Variants in AGBL4 observed in about 807,000 individuals in gnomAD.
The protein encoded by AGBL4 is cytosolic carboxypeptidase 6.
Under a neutral mutation model 66.4 loss-of-function variants are expected in AGBL4, and 58 were observed. The observed-to-expected ratio is 0.87, with a 90% CI of 0.71 to 1.09. The LOEUF (loss-of-function observed/expected upper bound fraction) is 1.09, where lower values mean the gene tolerates loss of function less well. AGBL4 is among the 50% of genes least tolerant of loss of function. The pLI is 0.00. For synonymous variants in AGBL4, 234 were observed against 222.9 expected (o/e 1.05, Z -0.44); for missense variants, 579 against 631.0 (o/e 0.92, Z 0.88).
intron 1 of AGBL4, among the ~76,000 whole-genome samples, chr1:49,905,942 C>T (rs1203576407): frequency 6.6e-6 from 1 of 151,982 alleles, no homozygotes; most frequent in Non-Finnish European, 1.5e-5. Flanking sequence ...TACTCTCTCC[C>T]TTAGTATGAG....
intron 4 of AGBL4, among the ~76,000 whole-genome samples, chr1:49,172,233 C>T (rs927423805): frequency 6.6e-6 from 1 of 152,064 alleles, no homozygotes; most frequent in African/African-American, 2.4e-5. Context: ...CACACTAAGC[C>T]CTGAGGATAT....
In AGBL4 at chr1:48,722,439, G is replaced by A. The variant is rs187426837; in HGVS notation, c.635-59198C>T. Among the ~76,000 whole-genome samples the A allele has an allele frequency of 2.0e-5, 3 of 152,284 alleles. No homozygotes were observed. The East Asian group carries it at 5.8e-4, about 29-fold the overall frequency. ...GAGTGGGGACTGCAGGTGTGGCACA[G>A]TGGCAGGTCAGTATGACTACCCAAC... On this transcript the variant is annotated intron_variant, in intron 6 of 13. Coordinates refer to ENST00000371839, the MANE Select transcript of AGBL4 (RefSeq NM_032785.4).
intron 3 of AGBL4, among the ~76,000 whole-genome samples, chr1:49,289,416 A>C (rs777776794): frequency 6.6e-6 from 1 of 152,160 alleles, no homozygotes. Flanking sequence ...AAGAAAACCT[A>C]TTATATGATT....
rs533439814 is a variant in AGBL4, at chr1:48,715,995, A to G, written c.635-52754T>C. On this transcript the variant is annotated intron_variant, in intron 6 of 13. Transcript: ENST00000371839. ...TGCAGTGGAGCAAGCCAACGGGATA[A>G]CAGGGCCAAGGCAACAGCCATGATT... Among the ~76,000 whole-genome samples the G allele has an allele frequency of 2.2e-4, 34 of 152,328 alleles. No individual in the cohort carries two copies. In the South Asian group the frequency reaches 7.1e-3, roughly 32 times the overall value.
intron 4 of AGBL4, among the ~76,000 whole-genome samples, chr1:49,083,741 T>C (rs1186957324): frequency 2.6e-5 from 4 of 152,242 alleles, no homozygotes; most frequent in African/African-American, 9.6e-5. Context: ...GGTTTTTCTT[T>C]TCTACAGCAT....
intron 1 of AGBL4, among the ~76,000 whole-genome samples, chr1:49,909,991 T>A (rs1044150370): frequency 2.0e-5 from 3 of 152,110 alleles, no homozygotes; most frequent in African/African-American, 7.2e-5. Context: ...AAGTTGAGAG[T>A]TTCATACACA....
intron 1 of AGBL4, among the ~76,000 whole-genome samples, chr1:49,970,078 C>T (rs2148360328): frequency 6.6e-6 from 1 of 152,274 alleles, no homozygotes; most frequent in South Asian, 2.1e-4. Flanking sequence ...CCTTATCTTA[C>T]ACCATACACA....
Position 49,370,145 on chromosome 1 carries a change from T to TTA in AGBL4, c.283-124283_283-124282dup, listed in dbSNP as rs71572680. Among the ~76,000 whole-genome samples, 3 of 145,750 alleles carry TTA rather than the reference T, an allele frequency of 2.1e-5. No individual in the cohort carries two copies. In the East Asian group the frequency reaches 5.9e-4, roughly 29 times the overall value. The stretch of plus-strand genomic sequence containing the variant: ...TATTTTATATTATAAATTATAATAA[T>TTA]TATATATATATTATATATAATATAT... On this transcript the variant is annotated intron_variant, in intron 3 of 13. Coordinates refer to ENST00000371839, the MANE Select transcript of AGBL4 (RefSeq NM_032785.4).
intron 3 of AGBL4, among the ~76,000 whole-genome samples, chr1:49,504,724 T>A (rs1235848961): frequency 6.6e-6 from 1 of 152,060 alleles, no homozygotes; most frequent in African/African-American, 2.4e-5. Flanking sequence ...TTTCAGTGTA[T>A]CTGTGTCCTT....
chr1:49,906,028 T>C (rs1336330378), intron 1 of AGBL4, among the ~76,000 whole-genome samples: 1 of 151,920 alleles, frequency 6.6e-6, no homozygotes, highest in East Asian at 1.9e-4. Flanking sequence ...GTATATAATG[T>C]ATTGAGCAGA....
intron 1 of AGBL4, among the ~76,000 whole-genome samples, chr1:49,987,545 A>G (rs1430431316): frequency 6.6e-6 from 1 of 152,050 alleles, no homozygotes; most frequent in African/African-American, 2.4e-5. Context: ...ATAGCAACGT[A>G]ACAACAAACA....
chr1:49,837,229 G>A (rs1012116999), intron 2 of AGBL4, among the ~76,000 whole-genome samples: 5 of 152,098 alleles, frequency 3.3e-5, no homozygotes, highest in African/African-American at 4.8e-5. Context: ...CTGGGACTTC[G>A]GCCTTTCTTT....
intron 1 of AGBL4, among the ~76,000 whole-genome samples, chr1:49,964,427 G>C (rs1444862334): frequency 3.3e-5 from 5 of 152,042 alleles, no homozygotes; most frequent in Non-Finnish European, 7.4e-5. Flanking sequence ...ACCTGATCAA[G>C]ATATTTAGCT....
intron 6 of AGBL4, among the ~76,000 whole-genome samples, chr1:48,831,996 C>T (rs1646563035): frequency 6.6e-6 from 1 of 152,088 alleles, no homozygotes; most frequent in Admixed American, 6.6e-5. Flanking sequence ...AATCATTATC[C>T]CAGTTGATCC....
chr1:48,523,955 G>A, the AGBL4 span, among the ~76,000 whole-genome samples: 14 of 152,066 alleles, frequency 9.2e-5, no homozygotes, highest in African/African-American at 3.1e-4. Flanking sequence ...TTGCATTTGT[G>A]TATCTAAAAA....
chr1:49,036,724 A>AT (rs35463441), intron 5 of AGBL4, among the ~76,000 whole-genome samples: 3,659 of 139,324 alleles, frequency 0.026, 132 homozygotes, highest in African/African-American at 0.084. Flanking sequence ...TGCTCAGCTA[A>AT]TTTTTTTTTT....
At chr1:48,963,290 C>G (rs1309294343) in intron 5 of AGBL4, among the ~76,000 whole-genome samples, 1 of 151,982 alleles carries the variant, frequency 6.6e-6, no homozygotes, top group African/African-American at 2.4e-5. Flanking sequence ...CTAATCAACT[C>G]TTAAAGGTCC....
chr1:49,062,403 CT>C (rs1644419278), intron 4 of AGBL4, among the ~76,000 whole-genome samples: 1 of 152,160 alleles, frequency 6.6e-6, no homozygotes, highest in African/African-American at 2.4e-5. Context: ...TACTATTGCT[CT>C]TCTTTGTTCC....
chr1:48,894,489 T>C (rs1651307179), intron 5 of AGBL4, among the ~76,000 whole-genome samples: 3 of 152,176 alleles, frequency 2.0e-5, no homozygotes, highest in Admixed American at 2.0e-4. Flanking sequence ...GAAATGCTAA[T>C]GATTGGGAAT....
Sources: allele counts gnomAD v4.1 joint callset (sites outside exome capture counted in the v4.1 genomes callset), GRCh38; gene constraint gnomAD v4.1.1; transcripts MANE v1.5; gene names NCBI Gene and HGNC (gene_info 2026-07-23, HGNC 2026-07-21).